KIAA1210: variants seen among roughly 807,000 people sequenced by gnomAD.
KIAA1210 encodes KIAA1210, also known as acrosomal protein KIAA1210.
A neutral mutation model predicts 78.9 loss-of-function variants in KIAA1210; 48 were observed. The observed-to-expected ratio is 0.61, with a 90% CI of 0.48 to 0.77. The LOEUF is 0.77. Among genes scored for constraint, KIAA1210 ranks in the 30% least tolerant of loss-of-function variants. The probability of loss-of-function intolerance (pLI) is 0.00; values close to 1 mark genes in which losing one functional copy is unlikely to be tolerated. For missense variants in KIAA1210, 1,108 were observed against 1,100.0 expected (o/e 1.01, Z -0.10); for synonymous variants, 406 against 404.5 (o/e 1.00, Z -0.04).
intron 2 of KIAA1210, among the ~76,000 whole-genome samples, chrX:119,119,987 AAAAAAAAAGAAAG>A (rs1167843850): frequency 3.2e-5 from 3 of 93,617 alleles, no homozygotes; most frequent in African/African-American, 3.5e-5. Flanking sequence ...AAAAAAAAAA[AAAAAAAAAGAAAG>A]AAAGAAAAGA....
At chrX:119,111,742 C>T (rs1928080453) in intron 3 of KIAA1210, among the ~76,000 whole-genome samples, 1 of 111,104 alleles carries the variant, frequency 9.0e-6, no homozygotes, top group Admixed American at 9.6e-5. Flanking sequence ...TATCCCAGAA[C>T]TTAAAGTGTA....
At chrX:119,091,146 C>T (rs374808132) in intron 8 of KIAA1210, among the ~76,000 whole-genome samples, 1 of 112,194 alleles carries the variant, frequency 8.9e-6, no homozygotes, top group Non-Finnish European at 1.9e-5. Context: ...TCACTAATCA[C>T]GAGGGAAATG....
At chrX:119,142,710 G>A (rs897523959) in intron 2 of KIAA1210, among the ~76,000 whole-genome samples, 10 of 100,869 alleles carry the variant, frequency 9.9e-5, no homozygotes, top group Admixed American at 5.8e-4. Context: ...AGGAGGCAGA[G>A]GTTGCAGTGA....
intron 8 of KIAA1210, among the ~76,000 whole-genome samples, chrX:119,092,486 G>A (rs926539989): frequency 1.8e-5 from 2 of 112,202 alleles, no homozygotes; most frequent in African/African-American, 6.5e-5. Flanking sequence ...CAAAGGCTGG[G>A]TGCAGTGGCT....
intron 2 of KIAA1210, among the ~76,000 whole-genome samples, chrX:119,144,636 G>A (rs73213139): frequency 0.011 from 1,267 of 112,006 alleles, 12 homozygotes; most frequent in Non-Finnish European, 0.018. Context: ...TCCAGGGGAG[G>A]TCTTCTTTTT....
intron 4 of KIAA1210, 148 bp from the exon 5 acceptor site, chrX:119,108,619 C>A: frequency 1.5e-6 from 1 of 689,473 alleles, no homozygotes; most frequent in South Asian, 3.4e-5. Flanking sequence ...AATCCCAGCA[C>A]TTTGAGAGGC....
At chrX:119,104,907 C>G (rs1927841314) in intron 6 of KIAA1210, 85 bp downstream of exon 6, 1 of 929,020 alleles carries the variant, frequency 1.1e-6, no homozygotes, top group African/African-American at 2.0e-5. Context: ...TAGTGTTGAG[C>G]TCCAGCGGGA....
chrX:119,150,748 G>C (rs1929279650), upstream of KIAA1210, among the ~76,000 whole-genome samples: 1 of 112,413 alleles, frequency 8.9e-6, no homozygotes, highest in African/African-American at 3.2e-5. Flanking sequence ...ACAGGGGAAT[G>C]ATGTTGCAAG....
In KIAA1210 at chrX:119,123,467, CT is replaced by C. The variant is rs752211461; in HGVS notation, c.61+114del. ...TTAGAAAACTGAAAAGTAAACGTGA[CT>C]GAGTCTAATGATCTGAACTTGTTTT... On this transcript the variant is annotated intron_variant, in intron 2 of 11. Transcript: ENST00000691062. 12 of 492,763 alleles carry C rather than the reference CT, an allele frequency of 2.4e-5. No homozygotes were observed. In the South Asian group the frequency reaches 4.6e-4, roughly 19 times the overall value. 40.6% of individuals were successfully genotyped at this position (492,763 alleles called of 1,213,427 possible).
intron 2 of KIAA1210, among the ~76,000 whole-genome samples, chrX:119,122,212 C>A (rs1490308890): frequency 2.8e-5 from 3 of 108,373 alleles, no homozygotes; most frequent in Non-Finnish European, 5.7e-5. Context: ...ACTACAGACG[C>A]CTGCAACCAC....
At chrX:119,138,236 T>TTTTTA (rs1928964509) in intron 2 of KIAA1210, among the ~76,000 whole-genome samples, 1 of 96,026 alleles carries the variant, frequency 1.0e-5, no homozygotes, top group African/African-American at 3.9e-5. Context: ...TTTTTTTTTT[T>TTTTTA]GAGATGGTGT....
At position 119,089,010 on chromosome X, in the gene KIAA1210, G is replaced by C. The variant is rs779713416; in HGVS notation, c.1692C>G (p.Thr564=). The C allele has an allele frequency of 5.0e-6, 6 of 1,211,848 alleles. No individual in the cohort carries two copies. The highest frequency in any genetic ancestry group is 6.7e-6 in the Non-Finnish European group (6 of 895,353). Residue 564 remains threonine (T), a synonymous_variant, in exon 9 of 12, where the codon ACC becomes ACG. Coordinates refer to ENST00000691062, the MANE Select transcript of KIAA1210 (RefSeq NM_001394962.1). ...TCATACCCAAAACACTTGCTGTAAAGGTCTGGTGAACATTTCCAGAAGGCT... is the reference window on the plus strand; with the variant it reads ...TCATACCCAAAACACTTGCTGTAAACGTCTGGTGAACATTTCCAGAAGGCT... The part of the protein sequence containing the change: ...KEKPSGNVHQ[T]FTASVLGMTS...
rs180983211 is a variant in KIAA1210 at position 119,095,464 on chromosome X, C to T, written c.846+1030G>A. Among the ~76,000 whole-genome samples the T allele has an allele frequency of 3.0e-3, 336 of 111,471 alleles. 1 individual carries two copies. Among genetic ancestry groups the T allele is most frequent in the African/African-American group, 0.011 (325 of 30,651 alleles). On this transcript the variant is annotated intron_variant, in intron 7 of 11. Coordinates refer to ENST00000691062, the MANE Select transcript of KIAA1210 (RefSeq NM_001394962.1). ...AGTGCAATGACACAATCTCGGCTCA[C>T]CACAACCTCCACCTCCCGGGTTCAA...
At chrX:119,090,049 C>T (rs897098226) in intron 8 of KIAA1210, among the ~76,000 whole-genome samples, 1 of 111,621 alleles carries the variant, frequency 9.0e-6, no homozygotes, top group Non-Finnish European at 1.9e-5. Flanking sequence ...GAACCTGTAA[C>T]AATGACTACC....
At chrX:119,150,660 T>C, upstream of KIAA1210, 2 of 1,034,058 alleles carry the variant, frequency 1.9e-6, no homozygotes, top group Non-Finnish European at 2.6e-6. Context: ...CTCCCGCTGC[T>C]GAGCTTTCCC....
chrX:119,084,782 C>A (rs896742186), intron 10 of KIAA1210, among the ~76,000 whole-genome samples: 2 of 112,330 alleles, frequency 1.8e-5, no homozygotes, highest in Non-Finnish European at 3.8e-5. Flanking sequence ...AAATGACTTA[C>A]TCCTTATTTC....
chrX:119,104,864 C>T (rs1927838960), intron 6 of KIAA1210, 128 bp downstream of exon 6: 3 of 588,546 alleles, frequency 5.1e-6, no homozygotes, highest in Admixed American at 4.0e-5. Flanking sequence ...AATCAAAAGC[C>T]AAGAATGTCA....
intron 5 of KIAA1210, among the ~76,000 whole-genome samples, chrX:119,105,886 C>A (rs1927879466): frequency 9.0e-6 from 1 of 111,664 alleles, no homozygotes. Flanking sequence ...GTCAGAATCC[C>A]TGCTTTTTAT....
At chrX:119,093,037 G>A (rs1927435598) in intron 8 of KIAA1210, among the ~76,000 whole-genome samples, 1 of 110,884 alleles carries the variant, frequency 9.0e-6, no homozygotes, top group Non-Finnish European at 1.9e-5. Context: ...CCATCAACTG[G>A]AGCCAACATC....
Sources: gnomAD v4.1 joint callset for allele counts (sites outside exome capture counted in the v4.1 genomes callset) on GRCh38, gnomAD v4.1.1 for gene constraint, MANE v1.5 for transcripts, NCBI Gene and HGNC (gene_info 2026-07-23, HGNC 2026-07-21) for gene names.